ZYG11B: variants seen among roughly 807,000 people sequenced by gnomAD.
ZYG11B encodes the protein zyg-11 family member B, cell cycle regulator, also known as protein zyg-11 homolog B.
Under a neutral mutation model 82.4 loss-of-function variants are expected in ZYG11B, and 36 were observed. The ratio of observed to expected loss-of-function variants is 0.44; its 90% CI spans 0.33 to 0.58. The LOEUF (loss-of-function observed/expected upper bound fraction) is 0.58, where lower values mean the gene tolerates loss of function less well. ZYG11B is among the 20% of genes least tolerant of loss of function. ZYG11B has a pLI of 0.02. For missense variants in ZYG11B, 552 were observed against 895.6 expected, an observed-to-expected ratio of 0.62 and a Z score of 4.90; for synonymous variants, 303 against 312.8, an observed-to-expected ratio of 0.97 and a Z score of 0.33.
rs1406158922 is a variant in ZYG11B at position 52,826,178 on chromosome 1, AC to A, written c.*4550del. 6.6e-6 allele frequency: 1 copy of A among 152,152 alleles called. No individual in the cohort carries two copies. Among genetic ancestry groups the A allele is most frequent in the African/African-American group, 2.4e-5 (1 of 41,434 alleles). The allele number at this position is 152,152 out of a possible 1,614,324, so 9.4% of individuals were successfully genotyped here. On this transcript the variant is annotated 3_prime_UTR_variant, in exon 14 of 14. Transcript: ENST00000294353. ...ACTTTGAGCTGATGTAGGCTCTTCC[AC>A]TTTTATCTGTATTTTACTTATTTGG...
At chr1:52,776,206 C>A (rs1373539265) in intron 3 of ZYG11B, among the ~76,000 whole-genome samples, 3 of 21,056 alleles carry the variant, frequency 1.4e-4, no homozygotes, top group East Asian at 9.1e-4. Context: ...ACAACAAGAG[C>A]AAAACTCTGT....
chr1:52,772,679 T>A, intron 3 of ZYG11B: 2 of 500,532 alleles, frequency 4.0e-6, no homozygotes, highest in South Asian at 4.4e-5. Context: ...GAAAGGCTTG[T>A]TTTTTTTTTT....
intron 1 of ZYG11B, among the ~76,000 whole-genome samples, chr1:52,732,049 C>G (rs1644337451): frequency 6.6e-6 from 1 of 152,220 alleles, no homozygotes; most frequent in Non-Finnish European, 1.5e-5. Context: ...GTGATCTGCC[C>G]ACTTTGGCTT....
intron 6 of ZYG11B, among the ~76,000 whole-genome samples, chr1:52,794,404 A>C (rs957232202): frequency 2.6e-5 from 4 of 152,218 alleles, no homozygotes; most frequent in Non-Finnish European, 5.9e-5. Context: ...AACAGAAAGA[A>C]GGTAATAGTA....
At position 52,745,991 on chromosome 1, in the gene ZYG11B, C is replaced by T. The variant is rs1423711575; in HGVS notation, c.31-10467C>T. ...TTTTTTTTTTTGAGACGGAGTCTCA[C>T]TCTGTCGCCTAGGCTGGAGTGCAGT... On this transcript the variant is annotated intron_variant, in intron 1 of 13. Coordinates refer to ENST00000294353, the MANE Select transcript of ZYG11B (RefSeq NM_024646.3). Among the ~76,000 whole-genome samples, 3 of 151,462 alleles carry T rather than the reference C, an allele frequency of 2.0e-5. No homozygotes were observed. In the East Asian group the frequency reaches 5.8e-4, roughly 30 times the overall value.
chr1:52,797,613 A>G (rs1052066080), intron 8 of ZYG11B, among the ~76,000 whole-genome samples: 4 of 148,566 alleles, frequency 2.7e-5, no homozygotes, highest in African/African-American at 9.9e-5. Context: ...GGTTCACGCC[A>G]TTCTCCTGCC....
At chr1:52,735,967 T>TA (rs1429708382) in intron 1 of ZYG11B, among the ~76,000 whole-genome samples, 1 of 152,300 alleles carries the variant, frequency 6.6e-6, no homozygotes, top group East Asian at 1.9e-4. Context: ...AGTAATATTT[T>TA]AAAATGATAC....
At chr1:52,786,071 G>A (rs1644909651) in intron 5 of ZYG11B, among the ~76,000 whole-genome samples, 1 of 151,918 alleles carries the variant, frequency 6.6e-6, no homozygotes, top group South Asian at 2.1e-4. Flanking sequence ...GAAAGTAGAA[G>A]GAAGGAATAA....
At chr1:52,778,930 C>T (rs1644831919) in intron 3 of ZYG11B, among the ~76,000 whole-genome samples, 1 of 152,018 alleles carries the variant, frequency 6.6e-6, no homozygotes, top group African/African-American at 2.4e-5. Context: ...CTGAGCCAAG[C>T]ATAACGCTAG....
chr1:52,754,556 A>G (rs2149928637), intron 1 of ZYG11B: 1 of 151,838 alleles, frequency 6.6e-6, no homozygotes, highest in Admixed American at 6.6e-5. Flanking sequence ...TAATTTTTGT[A>G]TTTTTTGTAG....
intron 2 of ZYG11B, among the ~76,000 whole-genome samples, chr1:52,760,632 A>AT (rs1644621551): frequency 6.6e-6 from 1 of 151,564 alleles, no homozygotes; most frequent in South Asian, 2.1e-4. Context: ...TTCTTCTTTT[A>AT]TTTTTTGTAG....
chr1:52,775,866 G>A (rs1268516688), intron 3 of ZYG11B, among the ~76,000 whole-genome samples: 1 of 151,316 alleles, frequency 6.6e-6, no homozygotes, highest in African/African-American at 2.4e-5. Context: ...TATAATTTGA[G>A]CAGCCAGATG....
At chr1:52,755,531 C>T (rs924178769) in intron 1 of ZYG11B, among the ~76,000 whole-genome samples, 7 of 152,012 alleles carry the variant, frequency 4.6e-5, no homozygotes, top group Admixed American at 6.6e-5. Context: ...GACGGAGTTT[C>T]GCTCTTGTTG....
At chr1:52,803,235 TATATAC>T (rs1199648305) in intron 10 of ZYG11B, among the ~76,000 whole-genome samples, 5 of 77,908 alleles carry the variant, frequency 6.4e-5, no homozygotes, top group African/African-American at 5.3e-4. Flanking sequence ...CACACATATA[TATATAC>T]ACACACACAT....
chr1:52,788,185 A>G (rs570390446), intron 5 of ZYG11B, among the ~76,000 whole-genome samples: 1 of 152,292 alleles, frequency 6.6e-6, no homozygotes, highest in Non-Finnish European at 1.5e-5. Context: ...GAATGCCAGC[A>G]TAGGAAAGTT....
At chr1:52,791,364 T>A (rs865995954) in intron 6 of ZYG11B, among the ~76,000 whole-genome samples, 4 of 152,188 alleles carry the variant, frequency 2.6e-5, no homozygotes, top group Middle Eastern at 6.8e-3. Flanking sequence ...AGCAATTTTT[T>A]ATTTTATTTT....
chr1:52,750,571 CT>C (rs1299701170), intron 1 of ZYG11B, among the ~76,000 whole-genome samples: 4 of 152,184 alleles, frequency 2.6e-5, no homozygotes, highest in Non-Finnish European at 5.9e-5. Context: ...TCGTGCCTGA[CT>C]CTGGCAACTA....
chr1:52,777,109 C>T (rs1031449723), intron 3 of ZYG11B, among the ~76,000 whole-genome samples: 1 of 152,022 alleles, frequency 6.6e-6, no homozygotes, highest in Non-Finnish European at 1.5e-5. Context: ...ACTCAGGAGG[C>T]TGAGGCATGA....
At chr1:52,769,147 C>T (rs1052592104) in intron 2 of ZYG11B, among the ~76,000 whole-genome samples, 2 of 151,972 alleles carry the variant, frequency 1.3e-5, no homozygotes, top group Non-Finnish European at 2.9e-5. Flanking sequence ...TTCTTTGTAT[C>T]TACAACATTT....
Sources: gnomAD v4.1 joint callset for allele counts (sites outside exome capture counted in the v4.1 genomes callset) on GRCh38, gnomAD v4.1.1 for gene constraint, MANE v1.5 for transcripts, NCBI Gene and HGNC (gene_info 2026-07-23, HGNC 2026-07-21) for gene names.